ST18: variants seen among roughly 807,000 people sequenced by gnomAD.
ST18 encodes suppression of tumorigenicity 18 protein.
Under a neutral mutation model 110.0 loss-of-function variants are expected in ST18, and 50 were observed. The ratio of observed to expected loss-of-function variants is 0.45; its 90% CI spans 0.36 to 0.58. ST18 has a LOEUF of 0.58. Ranked by LOEUF, ST18 falls within the 20% of genes least tolerant of loss-of-function variation. The pLI is 0.00. For missense variants in ST18, 1,306 were observed against 1,280.1 expected, an observed-to-expected ratio of 1.02 and a Z score of -0.31; for synonymous variants, 461 against 452.4, an observed-to-expected ratio of 1.02 and a Z score of -0.24.
At chr8:52,314,337 A>C (rs559927044) in intron 2 of ST18, among the ~76,000 whole-genome samples, 28 of 152,328 alleles carry the variant, frequency 1.8e-4, no homozygotes, top group African/African-American at 6.5e-4. Flanking sequence ...ACATCCTTTA[A>C]TGGACCCAAC....
intron 2 of ST18, among the ~76,000 whole-genome samples, chr8:52,269,804 C>A (rs1213581245): frequency 6.6e-6 from 1 of 152,150 alleles, no homozygotes; most frequent in Non-Finnish European, 1.5e-5. Flanking sequence ...TTGGCATGGG[C>A]CCAGTTTACT....
rs2065242217 is a variant in ST18 at position 52,172,302 on chromosome 8, A to G, written c.559T>C (p.Cys187Arg). Residue 187 changes from cysteine (C) to arginine (R), a missense_variant, in exon 10 of 26, where the codon TGC (cysteine) becomes CGC (arginine). Physicochemically the swap from Cys to Arg is radical, Grantham distance 180. Transcript: ENST00000689386. The stretch of plus-strand genomic sequence containing the variant: ...TTACTTTCATTGTCATCAGAGGAGC[A>G]GAAGGGTGGCTGAGAATCATCAATC... Reference protein sequence around the residue: ...DKIDDSQPPFCSSDDNESNSE... With the variant: ...DKIDDSQPPFRSSDDNESNSE... The G allele has an allele frequency of 6.2e-7, 1 of 1,614,208 alleles. No homozygotes were observed. Among genetic ancestry groups the G allele is most frequent in the Non-Finnish European group, 8.5e-7 (1 of 1,180,048 alleles).
At chr8:52,357,685 A>C (rs1378662601) in intron 2 of ST18, among the ~76,000 whole-genome samples, 2 of 33,662 alleles carry the variant, frequency 5.9e-5, no homozygotes, top group African/African-American at 2.0e-4. Context: ...AAATATATAT[A>C]TATATATATA....
At chr8:52,285,080 T>C (rs1448307807) in intron 2 of ST18, among the ~76,000 whole-genome samples, 2 of 152,188 alleles carry the variant, frequency 1.3e-5, no homozygotes, top group Non-Finnish European at 2.9e-5. Flanking sequence ...AGAGGCTGAA[T>C]AGTTGTTTGT....
At chr8:52,165,250 G>GA (rs1410490161) in intron 11 of ST18, 25 bp from the exon 12 acceptor site, 5 of 1,609,102 alleles carry the variant, frequency 3.1e-6, no homozygotes, top group Non-Finnish European at 4.3e-6. Flanking sequence ...ACACATAAAG[G>GA]AAAGAATACT....
intron 2 of ST18, among the ~76,000 whole-genome samples, chr8:52,239,862 T>C (rs2093207033): frequency 6.6e-6 from 1 of 152,120 alleles, no homozygotes; most frequent in South Asian, 2.1e-4. Flanking sequence ...GGCATGATCA[T>C]GGCTCACTGC....
chr8:52,190,728 A>T (rs1192600641), intron 8 of ST18, among the ~76,000 whole-genome samples: 2 of 152,236 alleles, frequency 1.3e-5, no homozygotes, highest in Non-Finnish European at 2.9e-5. Flanking sequence ...AGGGACCCGG[A>T]GAATCTGGAT....
intron 14 of ST18, among the ~76,000 whole-genome samples, chr8:52,159,485 T>C (rs1159341250): frequency 1.3e-5 from 2 of 152,146 alleles, no homozygotes; most frequent in Admixed American, 6.5e-5. Context: ...GCATGCCCAT[T>C]GGAAAACTGC....
intron 22 of ST18, 130 bp from the exon 23 acceptor site, chr8:52,126,270 T>G (rs1236951208): frequency 1.2e-6 from 1 of 864,996 alleles, no homozygotes; most frequent in East Asian, 2.7e-5. Context: ...ACAGTCTCTT[T>G]GTAGAGAGTA....
rs4551378 is a variant in ST18, at chr8:52,250,608, G to A, written c.-464-20531C>T. Among the ~76,000 whole-genome samples, 5 of 151,546 alleles carry A rather than the reference G, an allele frequency of 3.3e-5. No homozygotes were observed. In the South Asian group the frequency reaches 1.0e-3, roughly 32 times the overall value. On this transcript the variant is annotated intron_variant, in intron 2 of 25. Transcript: ENST00000689386. ...AAATCCAACAAACCCACCACAGTGA[G>A]CTGTGGGCCGCAGAGAAAGAAAAGT... is the stretch of plus-strand genomic sequence containing the variant.
chr8:52,136,146 C>G (rs2052164754), intron 19 of ST18, among the ~76,000 whole-genome samples: 1 of 152,064 alleles, frequency 6.6e-6, no homozygotes, highest in Non-Finnish European at 1.5e-5. Flanking sequence ...GTAGGTGAGG[C>G]AGGAATGAGC....
chr8:52,408,223 C>A (rs750069309), intron 2 of ST18, among the ~76,000 whole-genome samples: 1 of 152,160 alleles, frequency 6.6e-6, no homozygotes, highest in Non-Finnish European at 1.5e-5. Context: ...ACCACCTGAA[C>A]ATAGCTTACA....
intron 14 of ST18, among the ~76,000 whole-genome samples, chr8:52,160,660 C>G (rs1288104369): frequency 6.6e-6 from 1 of 152,142 alleles, no homozygotes; most frequent in African/African-American, 2.4e-5. Flanking sequence ...ACTTTCACAC[C>G]TTTTCATTAG....
At chr8:52,115,603 G>A (rs1008671725) in intron 25 of ST18, among the ~76,000 whole-genome samples, 4 of 152,224 alleles carry the variant, frequency 2.6e-5, no homozygotes, top group Non-Finnish European at 5.9e-5. Flanking sequence ...TAGCCTGGGT[G>A]CAAAGTAAGT....
At chr8:52,257,798 A>G (rs1033210122) in intron 2 of ST18, among the ~76,000 whole-genome samples, 3 of 151,730 alleles carry the variant, frequency 2.0e-5, no homozygotes, top group South Asian at 4.2e-4. Flanking sequence ...ATGAAGTCCA[A>G]TTTATATGTT....
At chr8:52,219,426 A>G (rs2136290098) in intron 5 of ST18, among the ~76,000 whole-genome samples, 1 of 152,330 alleles carries the variant, frequency 6.6e-6, no homozygotes. Context: ...TTTTTACACC[A>G]TCTGTGACAA....
intron 8 of ST18, among the ~76,000 whole-genome samples, chr8:52,186,831 A>C (rs1335420551): frequency 2.0e-5 from 3 of 152,302 alleles, no homozygotes; most frequent in Non-Finnish European, 2.9e-5. Context: ...AAACCAGCAC[A>C]ATTAGTCGAT....
At chr8:52,331,246 A>T (rs1564513012) in intron 2 of ST18, among the ~76,000 whole-genome samples, 1 of 152,146 alleles carries the variant, frequency 6.6e-6, no homozygotes, top group African/African-American at 2.4e-5. Flanking sequence ...GTGATAATAG[A>T]TGTAAACAAA....
Position 52,318,510 on chromosome 8 carries a change from C to T in ST18, c.-464-88433G>A, listed in dbSNP as rs1194653912. Among the ~76,000 whole-genome samples the T allele has an allele frequency of 7.9e-5, 12 of 152,126 alleles. 1 individual carries two copies. The highest frequency in any genetic ancestry group is 1.0e-4 in the Non-Finnish European group (7 of 68,028). On this transcript the variant is annotated intron_variant, in intron 2 of 25. Transcript: ENST00000689386. ...TGGCAATTCCTCAAAGACCTAGAGG[C>T]AGAAATACCATTCAACCCAGCAATC...
Sources: allele counts gnomAD v4.1 joint callset (sites outside exome capture counted in the v4.1 genomes callset), GRCh38; gene constraint gnomAD v4.1.1; transcripts MANE v1.5; gene names NCBI Gene and HGNC (gene_info 2026-07-23, HGNC 2026-07-21).